The following CYP11B2 variants were observed in gnomAD, a reference collection of about 807,000 sequenced individuals.
The protein encoded by CYP11B2 is cytochrome P450 family 11 subfamily B member 2.
A neutral mutation model predicts 49.3 loss-of-function variants in CYP11B2; 38 were observed. The ratio of observed to expected loss-of-function variants is 0.77; its 90% CI spans 0.59 to 1.01. The LOEUF (loss-of-function observed/expected upper bound fraction) is 1.01. Among genes scored for constraint, CYP11B2 ranks in the 50% least tolerant of loss-of-function variants. The pLI is 0.00. For synonymous variants in CYP11B2, 290 were observed against 269.3 expected (o/e 1.08, Z -0.75); for missense variants, 669 against 655.5 (o/e 1.02, Z -0.23).
chr8:142,916,178 C>T (rs1376921381), intron 2 of CYP11B2, among the ~76,000 whole-genome samples: 6 of 152,094 alleles, frequency 3.9e-5, no homozygotes, highest in African/African-American at 1.2e-4. Context: ...CATACAGGAG[C>T]GCTCCCCTTC....
intron 2 of CYP11B2, among the ~76,000 whole-genome samples, chr8:142,916,158 GAC>G (rs1177218989): frequency 1.3e-5 from 2 of 152,108 alleles, no homozygotes; most frequent in Middle Eastern, 3.2e-3. Flanking sequence ...ACAGATGCAA[GAC>G]ACACACACAT....
chr8:142,911,756 C>G lies in CYP11B2; in HGVS notation c.*224G>C. The G allele has an allele frequency of 1.6e-6, 1 of 629,490 alleles. No homozygotes were observed. The highest frequency in any genetic ancestry group is 1.9e-5 in the South Asian group (1 of 51,806). The allele number at this position is 629,490 out of a possible 1,614,324, so 39.0% of individuals were successfully genotyped here. A position where few individuals can be genotyped will look rare whatever the true frequency, so the allele number is the denominator to read the frequency against. ...GGCCAGGTGGAGCTGGGGACAAGGCCAGGCCCTGCCAGCAAGATCGTCTCC... is the reference window on the plus strand; with the variant it reads ...GGCCAGGTGGAGCTGGGGACAAGGCGAGGCCCTGCCAGCAAGATCGTCTCC... On this transcript the variant is annotated 3_prime_UTR_variant, in exon 9 of 9. Transcript: ENST00000323110.
chr8:142,916,960 C>T, intron 2 of CYP11B2, 99 bp downstream of exon 2: 1 of 1,540,150 alleles, frequency 6.5e-7, no homozygotes, highest in Non-Finnish European at 8.8e-7. Flanking sequence ...CACAGGGGCC[C>T]AGGGCAGATG....
intron 2 of CYP11B2, chr8:142,916,408 C>T (rs1237039553): frequency 8.8e-6 from 4 of 456,698 alleles, no homozygotes; most frequent in South Asian, 3.1e-5. Flanking sequence ...ATGACAACAT[C>T]CCTGCAGGTG....
intron 5 of CYP11B2, 105 bp downstream of exon 5, chr8:142,914,159 T>C: frequency 7.5e-7 from 1 of 1,334,998 alleles, no homozygotes; most frequent in Non-Finnish European, 1.1e-6. Flanking sequence ...GTGGGGCCTG[T>C]AGCCTGGGGA....
At chr8:142,916,563 C>G (rs1240289171) in intron 2 of CYP11B2, 2 of 378,200 alleles carry the variant, frequency 5.3e-6, no homozygotes, top group African/African-American at 4.2e-5. Flanking sequence ...CCACCTGCGT[C>G]CCCACCTGCC....
intron 2 of CYP11B2, among the ~76,000 whole-genome samples, chr8:142,916,039 GCA>G (rs916080273): frequency 6.6e-6 from 1 of 152,084 alleles, no homozygotes; most frequent in South Asian, 2.1e-4. Context: ...ACCTGCACAT[GCA>G]CACACACAGA....
intron 1 of CYP11B2, among the ~76,000 whole-genome samples, 156 bp downstream of exon 1, chr8:142,917,446 A>G (rs61758587): frequency 6.6e-6 from 1 of 152,160 alleles, no homozygotes; most frequent in African/African-American, 2.4e-5. Flanking sequence ...CCCTGGCAGC[A>G]CCACAGACCA....
chr8:142,916,000 G>T (rs1303866425), intron 2 of CYP11B2, among the ~76,000 whole-genome samples: 1 of 152,146 alleles, frequency 6.6e-6, no homozygotes, highest in African/African-American at 2.4e-5. Flanking sequence ...GCATGTGCAT[G>T]TGTGCACAAA....
chr8:142,916,607 G>A (rs1243238228), intron 2 of CYP11B2: 2 of 398,674 alleles, frequency 5.0e-6, no homozygotes, highest in East Asian at 1.4e-4. Context: ...AGGAAGGTTT[G>A]CCAGGACTGC....
At chr8:142,913,149 G>C (rs1817571833) in intron 6 of CYP11B2, 136 bp downstream of exon 6, 2 of 1,011,960 alleles carry the variant, frequency 2.0e-6, no homozygotes, top group African/African-American at 3.2e-5. Context: ...CCTTGAGGGG[G>C]AGGAAGAGCA....
At chr8:142,916,756 G>A (rs528521406) in intron 2 of CYP11B2, among the ~76,000 whole-genome samples, 27 of 152,254 alleles carry the variant, frequency 1.8e-4, no homozygotes, top group African/African-American at 6.3e-4. Flanking sequence ...TCCCCAGACC[G>A]CAAGAGAAAG....
rs6441 is a variant in CYP11B2, at chr8:142,917,752, C to G, written c.89G>C (p.Arg30Pro). The G allele has an allele frequency of 1.9e-6, 3 of 1,614,204 alleles. No individual in the cohort carries two copies. The highest frequency in any genetic ancestry group is 1.3e-5 in the African/African-American group (1 of 75,076). The change falls in exon 1 of 9, where the codon CGG becomes CCG. Residue 30 changes from arginine to proline, a missense_variant. Coordinates refer to ENST00000323110, the MANE Select transcript of CYP11B2 (RefSeq NM_000498.3). ...RARALGTRAARAPRTVLPFEA... is the reference protein window; with the variant it reads ...RARALGTRAAPAPRTVLPFEA... The stretch of plus-strand genomic sequence containing the variant: ...AAACGGCAGCACCGTCCTAGGGGCC[C>G]GAGCGGCTCTAGTGCCCAGTGCCCG...
rs1178882232 is a variant in CYP11B2 at position 142,914,768 on chromosome 8, G to A, written c.736C>T (p.Arg246Cys). The A allele has an allele frequency of 2.8e-5, 45 of 1,613,504 alleles. No individual in the cohort carries two copies. The East Asian group carries it at 4.7e-4, about 17-fold the overall frequency. ...QLMFMPRSLS[R>C]WISPKVWKEH... Reference sequence around the variant, plus strand: ...TTCCACACCTTGGGGCTGATCCAGCGAGACAGGCTCCTGGGCATGAACATG... The same window carrying A: ...TTCCACACCTTGGGGCTGATCCAGCAAGACAGGCTCCTGGGCATGAACATG... The change falls in exon 4 of 9, where the codon CGC becomes TGC. Residue 246 changes from arginine to cysteine, a missense_variant. By Grantham distance (180) the Arg-to-Cys change is radical. Transcript: ENST00000323110.
chr8:142,913,566 A>ATG, intron 5 of CYP11B2, 115 bp from the exon 6 acceptor site: 12 of 1,311,264 alleles, frequency 9.2e-6, no homozygotes, highest in South Asian at 2.4e-5. Context: ...CCTGAGCAAA[A>ATG]ACAGAGCCCT....
chr8:142,913,885 G>A, intron 5 of CYP11B2: 1 of 490,356 alleles, frequency 2.0e-6, no homozygotes, highest in East Asian at 5.6e-5. Flanking sequence ...CTGGCCCAAG[G>A]TGACCGGGCA....
chr8:142,911,931 G>T lies in CYP11B2; in HGVS notation c.*49C>A, dbSNP rs756694500. 2.5e-6 allele frequency: 4 copies of T among 1,613,316 alleles called. No homozygotes were observed. The East Asian group carries it at 8.9e-5, about 36-fold the overall frequency. On this transcript the variant is annotated 3_prime_UTR_variant, in exon 9 of 9. Coordinates refer to ENST00000323110, the MANE Select transcript of CYP11B2 (RefSeq NM_000498.3). ...GAGAAGACAGGTGGCCTGGGGTCAG[G>T]CAGAGGGAAGCTGGTGGCCAGGCTG...
chr8:142,917,683 A>T lies in CYP11B2; in HGVS notation c.158T>A (p.Leu53Gln). 2 of 1,614,242 alleles carry T rather than the reference A, an allele frequency of 1.2e-6. No individual in the cohort carries two copies. The highest frequency in any genetic ancestry group is 1.7e-6 in the Non-Finnish European group (2 of 1,180,044). ...ATAACCCTGCTCCCTCCAGATCTGC[A>T]GCAGCCTCAGCCACCTGTTGCCTGG... ...QHPGNRWLRL[L>Q]QIWREQGYEH... The change falls in exon 1 of 9, where the codon CTG (leucine) becomes CAG (glutamine). Residue 53 changes from leucine (L) to glutamine (Q), a missense_variant. Leu to Gln is a moderately radical substitution (Grantham distance 113). Transcript: ENST00000323110.
intron 7 of CYP11B2, 22 bp downstream of exon 7, chr8:142,912,785 G>A (rs1404465514): frequency 6.2e-7 from 1 of 1,613,480 alleles, no homozygotes; most frequent in East Asian, 2.2e-5. Flanking sequence ...TTCTCAGCTC[G>A]AGGGGTGTGG....
Sources: allele counts gnomAD v4.1 joint callset (sites outside exome capture counted in the v4.1 genomes callset), GRCh38; gene constraint gnomAD v4.1.1; transcripts MANE v1.5; gene names NCBI Gene and HGNC (gene_info 2026-07-23, HGNC 2026-07-21).